GABRB1: variants seen among roughly 807,000 people sequenced by gnomAD.
The protein encoded by GABRB1 is gamma-aminobutyric acid type A receptor subunit beta1, also known as gamma-aminobutyric acid receptor subunit beta-1.
In GABRB1, 17 loss-of-function variants were observed where a neutral mutation model predicts 51.6. The observed-to-expected ratio is 0.33, with a 90% confidence interval of 0.23 to 0.49. The LOEUF (loss-of-function observed/expected upper bound fraction) is 0.49. GABRB1 is among the 20% of genes least tolerant of loss of function. The probability of loss-of-function intolerance (pLI) is 0.99; values close to 1 mark genes in which losing one functional copy is unlikely to be tolerated. For synonymous variants in GABRB1, 247 were observed against 218.9 expected (o/e 1.13, Z -1.14); for missense variants, 410 against 600.6 (o/e 0.68, Z 3.32).
intron 3 of GABRB1, among the ~76,000 whole-genome samples, chr4:47,060,153 G>T (rs1453108556): frequency 6.6e-6 from 1 of 152,006 alleles, no homozygotes; most frequent in Non-Finnish European, 1.5e-5. Flanking sequence ...AATTTTATTT[G>T]CCAGAAAAAA....
intron 3 of GABRB1, among the ~76,000 whole-genome samples, chr4:47,037,813 A>G (rs1286460814): frequency 6.6e-6 from 1 of 152,078 alleles, no homozygotes; most frequent in Non-Finnish European, 1.5e-5. Context: ...ACCATTACAG[A>G]TTGAAAAACT....
intron 3 of GABRB1, among the ~76,000 whole-genome samples, chr4:47,158,373 A>C (rs1717789847): frequency 6.6e-6 from 1 of 152,106 alleles, no homozygotes; most frequent in Non-Finnish European, 1.5e-5. Flanking sequence ...CTAATTAACC[A>C]ATGTGTTACT....
At chr4:47,061,640 A>G (rs933262644) in intron 3 of GABRB1, among the ~76,000 whole-genome samples, 2 of 152,230 alleles carry the variant, frequency 1.3e-5, no homozygotes, top group Non-Finnish European at 2.9e-5. Context: ...TGAGCAACGC[A>G]AAGTTCAAAA....
chr4:47,091,852 C>A (rs1362765414), intron 3 of GABRB1, among the ~76,000 whole-genome samples: 1 of 152,210 alleles, frequency 6.6e-6, no homozygotes, highest in Non-Finnish European at 1.5e-5. Flanking sequence ...CCACACCGGC[C>A]TCCACCAGCT....
At chr4:47,053,863 C>T (rs1433523471) in intron 3 of GABRB1, among the ~76,000 whole-genome samples, 1 of 152,144 alleles carries the variant, frequency 6.6e-6, no homozygotes, top group Non-Finnish European at 1.5e-5. Flanking sequence ...AATGACTGGC[C>T]TGAAGAGACT....
At chr4:47,239,009 C>T (rs369928112) in intron 4 of GABRB1, among the ~76,000 whole-genome samples, 1 of 152,188 alleles carries the variant, frequency 6.6e-6, no homozygotes, top group Admixed American at 6.5e-5. Context: ...TTTCATTTGC[C>T]TGGTACAGGC....
chr4:47,034,200 T>C (rs573342576), intron 3 of GABRB1, among the ~76,000 whole-genome samples: 1 of 152,240 alleles, frequency 6.6e-6, no homozygotes, highest in East Asian at 1.9e-4. Context: ...GTGTAGAGTG[T>C]CATGCTTTTC....
At chr4:47,307,318 C>T (rs189774459) in intron 4 of GABRB1, among the ~76,000 whole-genome samples, 51 of 152,112 alleles carry the variant, frequency 3.4e-4, no homozygotes, top group African/African-American at 1.2e-3. Context: ...TGTTTTGTAG[C>T]TTTTAAATGT....
chr4:47,190,169 A>G lies in GABRB1; in HGVS notation c.461+28700A>G, dbSNP rs532889301. Among the ~76,000 whole-genome samples the G allele has an allele frequency of 1.1e-4, 16 of 152,256 alleles. No homozygotes were observed. In the East Asian group the frequency reaches 2.7e-3, roughly 26 times the overall value. On this transcript the variant is annotated intron_variant, in intron 4 of 8. Transcript: ENST00000295454. ...AGGTTTGGTGAATAGAACAATGTGAACATACCTGACAAGGTTTCCCTGAAA... is the reference window on the plus strand; with the variant it reads ...AGGTTTGGTGAATAGAACAATGTGAGCATACCTGACAAGGTTTCCCTGAAA...
chr4:47,413,719 C>T (rs1175164667), intron 8 of GABRB1, among the ~76,000 whole-genome samples: 2 of 152,088 alleles, frequency 1.3e-5, no homozygotes, highest in African/African-American at 2.4e-5. Context: ...TACTTTTGAT[C>T]GCTCTGGCTG....
intron 4 of GABRB1, among the ~76,000 whole-genome samples, chr4:47,293,170 T>C (rs1355491526): frequency 2.6e-5 from 4 of 152,132 alleles, no homozygotes; most frequent in Non-Finnish European, 4.4e-5. Context: ...AGATGGAGTT[T>C]TGCTCTTGTC....
At chr4:47,120,986 C>T (rs1422765679) in intron 3 of GABRB1, among the ~76,000 whole-genome samples, 4 of 152,158 alleles carry the variant, frequency 2.6e-5, no homozygotes, top group African/African-American at 9.7e-5. Context: ...GGCTGCATGC[C>T]CTCCAACTCC....
intron 5 of GABRB1, among the ~76,000 whole-genome samples, chr4:47,323,083 G>A (rs1467618385): frequency 1.3e-5 from 2 of 152,196 alleles, no homozygotes; most frequent in African/African-American, 2.4e-5. Flanking sequence ...AGACTGGTCT[G>A]TATTTCCTAA....
chr4:47,039,996 T>C (rs1274057519), intron 3 of GABRB1, among the ~76,000 whole-genome samples: 1 of 152,210 alleles, frequency 6.6e-6, no homozygotes, highest in African/African-American at 2.4e-5. Flanking sequence ...GTAATAGTTA[T>C]TCATCTTGGA....
chr4:47,307,015 T>C (rs1300376650), intron 4 of GABRB1, among the ~76,000 whole-genome samples: 3 of 152,134 alleles, frequency 2.0e-5, no homozygotes, highest in South Asian at 4.1e-4. Flanking sequence ...ACTGAATCAA[T>C]ATGTTGTCAA....
intron 4 of GABRB1, among the ~76,000 whole-genome samples, chr4:47,179,122 C>T (rs1718832718): frequency 6.6e-6 from 1 of 152,024 alleles, no homozygotes; most frequent in Non-Finnish European, 1.5e-5. Flanking sequence ...CCTAGCCCCT[C>T]ACCCCCTGAC....
chr4:47,079,611 A>G (rs1024392371), intron 3 of GABRB1, among the ~76,000 whole-genome samples: 27 of 152,188 alleles, frequency 1.8e-4, no homozygotes, highest in African/African-American at 6.5e-4. Flanking sequence ...ATGTCCAACA[A>G]CAATAGGCTG....
chr4:47,320,093 T>C (rs1248252130), intron 4 of GABRB1, 34 bp from the exon 5 acceptor site: 1 of 1,360,614 alleles, frequency 7.3e-7, no homozygotes, highest in Non-Finnish European at 1.1e-6. Flanking sequence ...ATCACTTTTG[T>C]AATGTTTTCT....
intron 5 of GABRB1, among the ~76,000 whole-genome samples, chr4:47,402,694 T>A (rs1217949197): frequency 6.6e-6 from 1 of 152,200 alleles, no homozygotes; most frequent in African/African-American, 2.4e-5. Context: ...TTCACTCTCA[T>A]AAGTATAAAG....
Sources: gnomAD v4.1 joint callset for allele counts (sites outside exome capture counted in the v4.1 genomes callset) on GRCh38, gnomAD v4.1.1 for gene constraint, MANE v1.5 for transcripts, NCBI Gene and HGNC (gene_info 2026-07-23, HGNC 2026-07-21) for gene names.